Variants in EML6 observed in about 807,000 individuals in gnomAD.
EML6 encodes the protein EMAP like 6, also known as echinoderm microtubule-associated protein-like 6.
A neutral mutation model predicts 240.1 loss-of-function variants in EML6; 154 were observed. That is an observed-to-expected ratio of 0.64 (90% CI 0.56 to 0.73). The LOEUF is 0.73. Among genes scored for constraint, EML6 ranks in the 30% least tolerant of loss-of-function variants. The probability of loss-of-function intolerance (pLI) is 0.00; values close to 1 mark genes in which losing one functional copy is unlikely to be tolerated. For missense variants in EML6, 2,964 were observed against 2,474.6 expected (o/e 1.20, Z -4.20); for synonymous variants, 1,148 against 899.0 (o/e 1.28, Z -4.95).
intron 2 of EML6, among the ~76,000 whole-genome samples, chr2:54,758,786 G>T (rs1453694159): frequency 1.3e-5 from 2 of 152,072 alleles, no homozygotes; most frequent in Non-Finnish European, 2.9e-5. Context: ...AAGAGGCTTT[G>T]CAGGGATGGG....
At chr2:54,740,073 G>T (rs575661853) in intron 2 of EML6, among the ~76,000 whole-genome samples, 1 of 152,250 alleles carries the variant, frequency 6.6e-6, no homozygotes, top group South Asian at 2.1e-4. Context: ...TTCAGGGTCA[G>T]GGGAGATGAG....
intron 2 of EML6, among the ~76,000 whole-genome samples, chr2:54,732,826 C>T (rs1286897837): frequency 6.6e-6 from 1 of 152,178 alleles, no homozygotes; most frequent in Non-Finnish European, 1.5e-5. Flanking sequence ...TTAGTAACTG[C>T]TGGTTTAGTG....
intron 4 of EML6, among the ~76,000 whole-genome samples, chr2:54,818,893 TTCAAGATTATCC>T (rs879391907): frequency 2.0e-5 from 3 of 152,232 alleles, no homozygotes; most frequent in Non-Finnish European, 4.4e-5. Flanking sequence ...TATGATTAAC[TTCAAGATTATCC>T]TCAAGATTAT....
At chr2:54,737,291 T>C (rs1490674371) in intron 2 of EML6, among the ~76,000 whole-genome samples, 1 of 152,052 alleles carries the variant, frequency 6.6e-6, no homozygotes, top group Non-Finnish European at 1.5e-5. Flanking sequence ...ATAATGCATA[T>C]GTTTTCTTTT....
At chr2:54,876,984 AAT>A (rs1491477351) in intron 16 of EML6, among the ~76,000 whole-genome samples, 1 of 143,074 alleles carries the variant, frequency 7.0e-6, no homozygotes, top group Admixed American at 7.1e-5. Flanking sequence ...TCCAAAAAAA[AAT>A]TTTTTTTTTT....
At chr2:54,943,670 G>C (rs1161356507) in intron 28 of EML6, among the ~76,000 whole-genome samples, 2 of 152,108 alleles carry the variant, frequency 1.3e-5, no homozygotes, top group Non-Finnish European at 2.9e-5. Flanking sequence ...TTCTAGAGTA[G>C]CATTGTCCAG....
chr2:54,848,291 T>C (rs1010942829), intron 9 of EML6, among the ~76,000 whole-genome samples: 19 of 152,342 alleles, frequency 1.2e-4, no homozygotes, highest in Admixed American at 7.8e-4. Flanking sequence ...TTTGTAATTA[T>C]AGAAAATAAA....
In EML6 at chr2:54,962,669, C is replaced by T. The variant is rs1676573599; in HGVS notation, c.5115C>T (p.Ala1705=). ...CTTCCAAGGACCTCTTCATCTCTGCCAGCAACGATGGCACAGCCCGGATCT... is the reference window on the plus strand; with the variant it reads ...CTTCCAAGGACCTCTTCATCTCTGCTAGCAACGATGGCACAGCCCGGATCT... The part of the protein sequence containing the change: ...THPSKDLFIS[A]SNDGTARIWD... The change falls in exon 36 of 42, where the codon GCC becomes GCT. Residue 1705 remains alanine, a synonymous_variant. Transcript: ENST00000356458. 6.5e-7 allele frequency: 1 copy of T among 1,529,620 alleles called. No individual in the cohort carries two copies. The highest frequency in any genetic ancestry group is 8.8e-7 in the Non-Finnish European group (1 of 1,136,214). The allele number at this position is 1,529,620 out of a possible 1,614,324, so 94.8% of individuals were successfully genotyped here.
intron 25 of EML6, among the ~76,000 whole-genome samples, chr2:54,914,970 G>T (rs1291598618): frequency 6.6e-6 from 1 of 152,148 alleles, no homozygotes; most frequent in Non-Finnish European, 1.5e-5. Flanking sequence ...TCCTAAGCAT[G>T]CTGTGACTGC....
intron 25 of EML6, 65 bp from the exon 26 acceptor site, chr2:54,916,694 C>G: frequency 1.5e-6 from 2 of 1,316,098 alleles, no homozygotes; most frequent in Non-Finnish European, 2.0e-6. Context: ...CAGGTGCAAA[C>G]TGTTTCTTTT....
chr2:54,770,200 T>C (rs1273518970), intron 2 of EML6, among the ~76,000 whole-genome samples: 1 of 152,196 alleles, frequency 6.6e-6, no homozygotes, highest in African/African-American at 2.4e-5. Context: ...TGTTCAGTGT[T>C]GGATAAGGAG....
In EML6 at chr2:54,849,911, A is replaced by G. The variant is rs181858905; in HGVS notation, c.1188-51A>G. The G allele has an allele frequency of 3.1e-3, 4,526 of 1,472,290 alleles. 14 individuals are homozygous for G. Among genetic ancestry groups the G allele is most frequent in the Non-Finnish European group, 3.4e-3 (3,677 of 1,088,762 alleles). The allele number at this position is 1,472,290 out of a possible 1,614,324, so 91.2% of individuals were successfully genotyped here. On this transcript the variant is annotated intron_variant, in intron 9 of 41. Coordinates refer to ENST00000356458, the MANE Select transcript of EML6 (RefSeq NM_001039753.4). ...CTGACACATATATTTTAAAACTTGG[A>G]TTTTCTATTTGTAGAATTGCTGCTT...
Position 54,821,718 on chromosome 2 carries a change from T to A in EML6, c.525+1256T>A, listed in dbSNP as rs1046452319. Among the ~76,000 whole-genome samples the A allele has an allele frequency of 2.6e-5, 4 of 152,238 alleles. No homozygotes were observed. The South Asian group carries it at 8.3e-4, about 32-fold the overall frequency. On this transcript the variant is annotated intron_variant, in intron 5 of 41. Coordinates refer to ENST00000356458, the MANE Select transcript of EML6 (RefSeq NM_001039753.4). Reference sequence around the variant, plus strand: ...GCTGAAAAATAGACCTTAATATGTATGACAACTTAGAGTATAATAGCATCT... The same window carrying A: ...GCTGAAAAATAGACCTTAATATGTAAGACAACTTAGAGTATAATAGCATCT...
At chr2:54,750,075 T>C (rs1240371378) in intron 2 of EML6, among the ~76,000 whole-genome samples, 3 of 152,152 alleles carry the variant, frequency 2.0e-5, no homozygotes, top group Middle Eastern at 3.2e-3. Flanking sequence ...ACAAGGGAAG[T>C]ACTTTGGCAC....
At chr2:54,947,668 C>G (rs914536641) in intron 28 of EML6, among the ~76,000 whole-genome samples, 16 of 152,214 alleles carry the variant, frequency 1.1e-4, no homozygotes, top group Non-Finnish European at 2.2e-4. Context: ...CAGCAAGTTT[C>G]TCCCCAGCAC....
At chr2:54,815,280 C>T (rs1668032108) in intron 3 of EML6, among the ~76,000 whole-genome samples, 1 of 152,124 alleles carries the variant, frequency 6.6e-6, no homozygotes, top group South Asian at 2.1e-4. Flanking sequence ...AGAGAAATAA[C>T]CTCTTGTATG....
chr2:54,910,533 T>C (rs1454078496), intron 24 of EML6, among the ~76,000 whole-genome samples: 2 of 152,250 alleles, frequency 1.3e-5, no homozygotes, highest in African/African-American at 4.8e-5. Context: ...TAAATGTGAA[T>C]GCTCACAGTA....
intron 13 of EML6, among the ~76,000 whole-genome samples, chr2:54,865,627 T>G (rs1245250524): frequency 6.6e-6 from 1 of 152,230 alleles, no homozygotes; most frequent in Admixed American, 6.5e-5. Context: ...CATTTTGTGT[T>G]TTGGTTTTGG....
intron 2 of EML6, among the ~76,000 whole-genome samples, chr2:54,794,055 T>C (rs906574842): frequency 6.6e-6 from 1 of 152,250 alleles, no homozygotes; most frequent in Non-Finnish European, 1.5e-5. Flanking sequence ...TTTTCCACTT[T>C]GCTGGCAGTG....
Sources: allele counts gnomAD v4.1 joint callset (sites outside exome capture counted in the v4.1 genomes callset), GRCh38; gene constraint gnomAD v4.1.1; transcripts MANE v1.5; gene names NCBI Gene and HGNC (gene_info 2026-07-23, HGNC 2026-07-21).